PTPRT: variants seen among roughly 807,000 people sequenced by gnomAD.
The protein encoded by PTPRT is receptor-type tyrosine-protein phosphatase T.
Under a neutral mutation model 176.8 loss-of-function variants are expected in PTPRT, and 56 were observed. The observed-to-expected ratio is 0.32, with a 90% CI of 0.26 to 0.40. PTPRT has a LOEUF of 0.40. Ranked by LOEUF, PTPRT falls within the 10% of genes least tolerant of loss-of-function variation. The pLI is 1.00. For missense variants in PTPRT, 1,540 were observed against 1,908.2 expected, an observed-to-expected ratio of 0.81 and a Z score of 3.60; for synonymous variants, 783 against 739.0, an observed-to-expected ratio of 1.06 and a Z score of -0.96.
At chr20:43,108,680 C>A (rs781607619) in intron 1 of PTPRT, among the ~76,000 whole-genome samples, 1 of 151,984 alleles carries the variant, frequency 6.6e-6, no homozygotes, top group Non-Finnish European at 1.5e-5. Flanking sequence ...ACTCCAAATT[C>A]CCTAGCATCG....
chr20:43,046,187 C>T (rs1311162032), intron 1 of PTPRT, among the ~76,000 whole-genome samples: 4 of 152,044 alleles, frequency 2.6e-5, no homozygotes, highest in Admixed American at 6.6e-5. Context: ...TAGTTGGCAA[C>T]GAAGGCGGCC....
chr20:43,094,428 C>T (rs1600708455), intron 1 of PTPRT, among the ~76,000 whole-genome samples: 3 of 96,628 alleles, frequency 3.1e-5, no homozygotes, highest in East Asian at 3.4e-4. Context: ...GACGGAGTTT[C>T]GCTCTTGTTG....
chr20:42,429,975 A>T (rs2059201339), intron 9 of PTPRT, among the ~76,000 whole-genome samples: 1 of 152,256 alleles, frequency 6.6e-6, no homozygotes, highest in Admixed American at 6.5e-5. Context: ...TGAGTCACTC[A>T]TGGAGGAAAC....
intron 2 of PTPRT, among the ~76,000 whole-genome samples, chr20:42,866,155 T>C (rs1304313460): frequency 1.3e-5 from 2 of 152,222 alleles, no homozygotes; most frequent in Admixed American, 1.3e-4. Context: ...TCAGTCTACC[T>C]GCTCACTGAG....
intron 7 of PTPRT, among the ~76,000 whole-genome samples, chr20:42,535,903 C>A (rs2072468461): frequency 6.6e-6 from 1 of 152,106 alleles, no homozygotes; most frequent in African/African-American, 2.4e-5. Flanking sequence ...GCAGGTACTG[C>A]CAGAAGTCAC....
intron 7 of PTPRT, among the ~76,000 whole-genome samples, chr20:42,631,156 T>C (rs1271680928): frequency 6.6e-6 from 1 of 152,134 alleles, no homozygotes; most frequent in African/African-American, 2.4e-5. Flanking sequence ...AAAACTCCAA[T>C]TGTCTTATAC....
In PTPRT at chr20:42,345,582, A is replaced by ATGTG. The variant is rs56310086; in HGVS notation, c.1865+5042_1865+5045dup. Among the ~76,000 whole-genome samples, 686 of 94,648 alleles carry ATGTG rather than the reference A, an allele frequency of 7.2e-3. 18 individuals carry two copies. Among genetic ancestry groups the ATGTG allele is most frequent in the African/African-American group, 0.019 (604 of 32,414 alleles). The allele number at this position is 94,648 out of a possible 152,430, so 62.1% of individuals were successfully genotyped here. A position where few individuals can be genotyped will look rare whatever the true frequency, so the allele number is the denominator to read the frequency against. ...CACACATATATATACATACATATAT[A>ATGTG]TGTGTGTGTGTGTGTGTGTGTGTGT... On this transcript the variant is annotated intron_variant, in intron 11 of 30. Transcript: ENST00000373187.
At chr20:42,910,008 G>A (rs920075546) in intron 1 of PTPRT, among the ~76,000 whole-genome samples, 3 of 151,930 alleles carry the variant, frequency 2.0e-5, no homozygotes, top group African/African-American at 7.3e-5. Context: ...CTTCTTCCAC[G>A]CCTCAATCAC....
At chr20:42,831,475 A>T (rs1408427725) in intron 2 of PTPRT, among the ~76,000 whole-genome samples, 4 of 152,216 alleles carry the variant, frequency 2.6e-5, no homozygotes, top group African/African-American at 7.2e-5. Flanking sequence ...AACAGCAAAG[A>T]TTTCATGACA....
At chr20:42,959,761 C>T (rs1364748335) in intron 1 of PTPRT, among the ~76,000 whole-genome samples, 1 of 152,202 alleles carries the variant, frequency 6.6e-6, no homozygotes, top group Non-Finnish European at 1.5e-5. Context: ...AACCCATGCA[C>T]AAGCCATTCC....
At chr20:42,572,205 C>T (rs2073168769) in intron 7 of PTPRT, among the ~76,000 whole-genome samples, 1 of 152,128 alleles carries the variant, frequency 6.6e-6, no homozygotes, top group African/African-American at 2.4e-5. Flanking sequence ...GTGGGATCCT[C>T]CTGACATAAT....
At chr20:42,143,418 A>C (rs1016693171) in intron 17 of PTPRT, among the ~76,000 whole-genome samples, 14 of 152,074 alleles carry the variant, frequency 9.2e-5, no homozygotes, top group African/African-American at 3.4e-4. Context: ...TTAGCCGGGC[A>C]TGGTGGCAGG....
At chr20:43,143,419 CT>C (rs2014077711) in intron 1 of PTPRT, among the ~76,000 whole-genome samples, 1 of 152,212 alleles carries the variant, frequency 6.6e-6, no homozygotes, top group Non-Finnish European at 1.5e-5. Flanking sequence ...AACTTACACA[CT>C]TGTGCATTCA....
At chr20:42,742,150 T>C (rs1336642466) in intron 6 of PTPRT, among the ~76,000 whole-genome samples, 1 of 152,080 alleles carries the variant, frequency 6.6e-6, no homozygotes, top group Non-Finnish European at 1.5e-5. Context: ...GTAGATACAA[T>C]CAGCTAACTC....
rs754038969 is a variant in PTPRT, at chr20:42,885,814, C to T, written c.207G>A (p.Val69=). 6.2e-7 allele frequency: 1 copy of T among 1,606,052 alleles called. No individual in the cohort carries two copies. The highest frequency in any genetic ancestry group is 8.5e-7 in the Non-Finnish European group (1 of 1,174,878). Reference sequence around the variant, plus strand: ...ACATGATGGATCACATACCTGTGGGCACTGCCTGGTCCAGCATTGGTTTCT... The same window carrying T: ...ACATGATGGATCACATACCTGTGGGTACTGCCTGGTCCAGCATTGGTTTCT... ...TWEKPMLDQA[V]PTGSFMMVNS... The change falls in exon 2 of 31, where the codon GTG becomes GTA. Residue 69 remains valine (V), a synonymous_variant. Transcript: ENST00000373187.
At chr20:42,994,440 T>G (rs1321981416) in intron 1 of PTPRT, among the ~76,000 whole-genome samples, 1 of 146,984 alleles carries the variant, frequency 6.8e-6, no homozygotes, top group East Asian at 2.0e-4. Flanking sequence ...CCATTAGGAC[T>G]TTTTTTTTTT....
chr20:42,531,282 A>G (rs1601204426), intron 7 of PTPRT, among the ~76,000 whole-genome samples: 1 of 152,268 alleles, frequency 6.6e-6, no homozygotes, highest in African/African-American at 2.4e-5. Context: ...CAGAGTAAAG[A>G]TAAGAGAAAA....
chr20:42,890,227 T>A (rs922558937), intron 1 of PTPRT, among the ~76,000 whole-genome samples: 1 of 152,204 alleles, frequency 6.6e-6, no homozygotes, highest in Non-Finnish European at 1.5e-5. Context: ...CCACTCCCTA[T>A]TGGTCTGACT....
chr20:42,182,269 T>C (rs1240568385), intron 16 of PTPRT, among the ~76,000 whole-genome samples: 2 of 152,168 alleles, frequency 1.3e-5, no homozygotes, highest in Non-Finnish European at 2.9e-5. Flanking sequence ...GCAGTGGCAT[T>C]GTGAGTTTGT....
Sources: allele counts gnomAD v4.1 joint callset (sites outside exome capture counted in the v4.1 genomes callset), GRCh38; gene constraint gnomAD v4.1.1; transcripts MANE v1.5; gene names NCBI Gene and HGNC (gene_info 2026-07-23, HGNC 2026-07-21).